The following ST18 variants were observed in gnomAD, a reference collection of about 807,000 sequenced individuals.
The protein encoded by ST18 is suppression of tumorigenicity 18 protein.
A neutral mutation model predicts 110.0 loss-of-function variants in ST18; 50 were observed. The ratio of observed to expected loss-of-function variants is 0.45; its 90% CI spans 0.36 to 0.58. The LOEUF (loss-of-function observed/expected upper bound fraction) is 0.58. Among genes scored for constraint, ST18 ranks in the 20% least tolerant of loss-of-function variants. The probability of loss-of-function intolerance (pLI) is 0.00; values close to 1 mark genes in which losing one functional copy is unlikely to be tolerated. For synonymous variants in ST18, 461 were observed against 452.4 expected, an observed-to-expected ratio of 1.02 and a Z score of -0.24; for missense variants, 1,306 against 1,280.1, an observed-to-expected ratio of 1.02 and a Z score of -0.31.
Position 52,180,210 on chromosome 8 carries a change from G to C in ST18, c.189C>G (p.His63Gln). 1 of 1,614,188 alleles carries C rather than the reference G, an allele frequency of 6.2e-7. No homozygotes were observed. Among genetic ancestry groups the C allele is most frequent in the Non-Finnish European group, 8.5e-7 (1 of 1,180,032 alleles). The change falls in exon 9 of 26, where the codon CAC becomes CAG. Residue 63 changes from histidine to glutamine, a missense_variant. Coordinates refer to ENST00000689386, the MANE Select transcript of ST18 (RefSeq NM_001352837.2). Reference protein sequence around the residue: ...KRKSLLMKPRHYSPKADCQED... With the variant: ...KRKSLLMKPRQYSPKADCQED... The stretch of plus-strand genomic sequence containing the variant: ...CTTGGCAGTCTGCTTTTGGGCTGTA[G>C]TGTCGGGGCTTCATTAGCAGGGATT...
At chr8:52,395,252 C>T (rs1840700916) in intron 2 of ST18, among the ~76,000 whole-genome samples, 3 of 152,196 alleles carry the variant, frequency 2.0e-5, no homozygotes, top group Admixed American at 2.0e-4. Context: ...GCAAAAGACA[C>T]ACAATCCTCT....
chr8:52,235,017 T>G (rs913008202), intron 2 of ST18, among the ~76,000 whole-genome samples: 1 of 152,006 alleles, frequency 6.6e-6, no homozygotes, highest in African/African-American at 2.4e-5. Context: ...GTTCAGTGCA[T>G]ACTGCTTGGG....
At chr8:52,331,077 C>T (rs938644622) in intron 2 of ST18, among the ~76,000 whole-genome samples, 1 of 152,248 alleles carries the variant, frequency 6.6e-6, no homozygotes, top group East Asian at 1.9e-4. Flanking sequence ...TGCTGTGCAA[C>T]TGCTTCCTGC....
chr8:52,143,182 T>G (rs1297796558), intron 16 of ST18, 137 bp from the exon 17 acceptor site: 1 of 623,668 alleles, frequency 1.6e-6, no homozygotes, highest in Non-Finnish European at 2.8e-6. Context: ...CTTAGAGGAT[T>G]TGCATAAGAA....
chr8:52,314,641 T>C (rs1002169641), intron 2 of ST18, among the ~76,000 whole-genome samples: 6 of 152,194 alleles, frequency 3.9e-5, no homozygotes, highest in Admixed American at 2.0e-4. Flanking sequence ...GTACTGAAAA[T>C]GCCTGCAAAC....
At chr8:52,166,267 A>G (rs7834082) in intron 11 of ST18, among the ~76,000 whole-genome samples, 291 of 152,340 alleles carry the variant, frequency 1.9e-3, no homozygotes, top group African/African-American at 6.6e-3. Flanking sequence ...AGGCTAGCCA[A>G]TTCCCAGAGA....
chr8:52,329,145 G>GTGTGTT (rs1481296211), intron 2 of ST18, among the ~76,000 whole-genome samples: 2 of 151,948 alleles, frequency 1.3e-5, no homozygotes, highest in African/African-American at 2.4e-5. Context: ...GTCTATTTGT[G>GTGTGTT]TGTGTTTGTG....
At chr8:52,154,135 C>T (rs1429476081) in intron 15 of ST18, among the ~76,000 whole-genome samples, 2 of 152,162 alleles carry the variant, frequency 1.3e-5, no homozygotes, top group African/African-American at 2.4e-5. Flanking sequence ...CCTTGTGATC[C>T]CTGACCCAAG....
intron 2 of ST18, among the ~76,000 whole-genome samples, chr8:52,366,426 C>A (rs1827960766): frequency 6.6e-6 from 1 of 152,176 alleles, no homozygotes; most frequent in Non-Finnish European, 1.5e-5. Flanking sequence ...AAGATCTGGC[C>A]CCTGTCTGTC....
At chr8:52,149,483 A>G (rs2058239302) in intron 16 of ST18, among the ~76,000 whole-genome samples, 1 of 152,264 alleles carries the variant, frequency 6.6e-6, no homozygotes, top group Non-Finnish European at 1.5e-5. Context: ...TGCAGGGCAC[A>G]AAATTTCAGC....
At chr8:52,207,043 A>G (rs2080332752) in intron 8 of ST18, among the ~76,000 whole-genome samples, 1 of 152,218 alleles carries the variant, frequency 6.6e-6, no homozygotes, top group African/African-American at 2.4e-5. Flanking sequence ...ACTAAAGGAA[A>G]CTGAATTCTA....
At chr8:52,151,488 G>A (rs2058796197) in intron 15 of ST18, among the ~76,000 whole-genome samples, 1 of 152,064 alleles carries the variant, frequency 6.6e-6, no homozygotes, top group Non-Finnish European at 1.5e-5. Flanking sequence ...CAGCTTATCC[G>A]GGATAATAAC....
At chr8:52,309,520 CAAAAAAA>C (rs756214451) in intron 2 of ST18, among the ~76,000 whole-genome samples, 174 of 37,754 alleles carry the variant, frequency 4.6e-3, no homozygotes, top group East Asian at 7.9e-3. Flanking sequence ...GACTCCATCT[CAAAAAAA>C]AAAAAAAAAA....
At chr8:52,219,744 T>G (rs1360326070) in intron 5 of ST18, among the ~76,000 whole-genome samples, 1 of 152,198 alleles carries the variant, frequency 6.6e-6, no homozygotes, top group Non-Finnish European at 1.5e-5. Context: ...GAGATGATTT[T>G]CAAAGGAAAT....
intron 2 of ST18, among the ~76,000 whole-genome samples, chr8:52,276,117 CCT>C (rs1564392601): frequency 5.4e-3 from 40 of 7,440 alleles, no homozygotes; most frequent in South Asian, 7.2e-3. Context: ...ACACACCGCA[CCT>C]ATCACATACC....
At chr8:52,342,115 T>A (rs924334764) in intron 2 of ST18, among the ~76,000 whole-genome samples, 2 of 152,186 alleles carry the variant, frequency 1.3e-5, no homozygotes, top group African/African-American at 4.8e-5. Flanking sequence ...ACAAAACAAA[T>A]GATAAATATG....
intron 2 of ST18, among the ~76,000 whole-genome samples, chr8:52,240,479 T>A (rs1187259530): frequency 6.6e-6 from 1 of 152,086 alleles, no homozygotes; most frequent in East Asian, 1.9e-4. Context: ...TTTCTTCTGG[T>A]TTAACAGGAA....
chr8:52,233,455 G>A lies in ST18; in HGVS notation c.-464-3378C>T, dbSNP rs547721668. On this transcript the variant is annotated intron_variant, in intron 2 of 25. Transcript: ENST00000689386. ...CAGGGTGTGTAGTTTGAGTGAAGAA[G>A]AATTCCTAATCCTACAGATCTAGGA... 2.6e-5 allele frequency among the ~76,000 whole-genome samples: 4 copies of A among 152,240 alleles called. No homozygotes were observed. In the South Asian group the frequency reaches 8.3e-4, roughly 32 times the overall value.
chr8:52,118,361 C>T lies in ST18; in HGVS notation c.2836G>A (p.Asp946Asn). The T allele has an allele frequency of 6.2e-7, 1 of 1,608,996 alleles. No individual in the cohort carries two copies. Among genetic ancestry groups the T allele is most frequent in the Non-Finnish European group, 8.5e-7 (1 of 1,178,056 alleles). ...LNESNLKIEA[D>N]MMKLQTQITS... is the part of the protein sequence containing the mutation. ...ACCTGGGTCTGAAGTTTCATCATAT[C>T]TGCTTCAATTTTAAGGTTGGATTCA... The change falls in exon 24 of 26, where the codon GAT becomes AAT. Residue 946 changes from aspartate (D) to asparagine (N), a missense_variant. By Grantham distance (23) the Asp-to-Asn change is conservative. Coordinates refer to ENST00000689386, the MANE Select transcript of ST18 (RefSeq NM_001352837.2).
Sources: gnomAD v4.1 joint callset for allele counts (sites outside exome capture counted in the v4.1 genomes callset) on GRCh38, gnomAD v4.1.1 for gene constraint, MANE v1.5 for transcripts, NCBI Gene and HGNC (gene_info 2026-07-23, HGNC 2026-07-21) for gene names.